The following SLK variants were observed in gnomAD, a reference collection of about 807,000 sequenced individuals.
SLK encodes STE20 like kinase.
Under a neutral mutation model 147.7 loss-of-function variants are expected in SLK, and 67 were observed. The observed-to-expected ratio is 0.45, with a 90% CI of 0.37 to 0.56. SLK has a LOEUF of 0.56. Among genes scored for constraint, SLK ranks in the 20% least tolerant of loss-of-function variants. SLK has a pLI of 0.00. For synonymous variants in SLK, 441 were observed against 475.0 expected, an observed-to-expected ratio of 0.93 and a Z score of 0.93; for missense variants, 1,136 against 1,438.8, an observed-to-expected ratio of 0.79 and a Z score of 3.41.
chr10:103,983,042 A>G (rs1216712921), intron 1 of SLK, among the ~76,000 whole-genome samples: 1 of 143,914 alleles, frequency 6.9e-6, no homozygotes, highest in African/African-American at 2.7e-5. Context: ...ATAATAATCT[A>G]TGTGAGGGGT....
At chr10:104,018,561 T>C (rs972743719) in intron 14 of SLK, among the ~76,000 whole-genome samples, 4 of 152,178 alleles carry the variant, frequency 2.6e-5, no homozygotes, top group African/African-American at 9.7e-5. Context: ...ATTTTGGTGT[T>C]CGGAGTAGGA....
intron 18 of SLK, 145 bp from the exon 19 acceptor site, chr10:104,025,429 G>T: frequency 1.4e-6 from 1 of 717,300 alleles, no homozygotes; most frequent in Non-Finnish European, 2.2e-6. Flanking sequence ...CAAAGCTTAT[G>T]ATCTTAAAAA....
rs35389916 is a variant in SLK, at chr10:104,003,227, A to T, written c.2049A>T (p.Lys683Asn). The change falls in exon 9 of 19, where the codon AAA (lysine) becomes AAT (asparagine). Residue 683 changes from lysine (K) to asparagine (N), a missense_variant. Physicochemically the swap from Lys to Asn is moderately conservative, Grantham distance 94. This residue lies in a region of SLK where 516 missense variants were observed against 531.3 expected (regional missense o/e 0.97). Coordinates refer to ENST00000369755, the MANE Select transcript of SLK (RefSeq NM_014720.4). ...TCACTACTCAGATAGATAAAGAGAAAAAAGAAATTCCAGTGTCAATTAAAA... is the reference window on the plus strand; with the variant it reads ...TCACTACTCAGATAGATAAAGAGAATAAAGAAATTCCAGTGTCAATTAAAA... ...SKVTTQIDKEKKEIPVSIKKE... is the reference protein window; with the variant it reads ...SKVTTQIDKENKEIPVSIKKE... 3 of 1,611,534 alleles carry T rather than the reference A, an allele frequency of 1.9e-6. No homozygotes were observed. The East Asian group carries it at 6.7e-5, about 36-fold the overall frequency.
Position 104,003,481 on chromosome 10 carries a change from C to G in SLK, c.2303C>G (p.Ser768Cys). Reference sequence around the variant, plus strand: ...AGTATTGACTTGAATTTATCCATCTCTAGCTTTCTAAGTAAAACTAAAGAC... The same window carrying G: ...AGTATTGACTTGAATTTATCCATCTGTAGCTTTCTAAGTAAAACTAAAGAC... Reference protein sequence around the residue: ...TSSIDLNLSISSFLSKTKDSG... With the variant: ...TSSIDLNLSICSFLSKTKDSG... Residue 768 changes from serine to cysteine, a missense_variant, in exon 9 of 19, where the codon TCT becomes TGT. Physicochemically the swap from Ser to Cys is moderately radical, Grantham distance 112. Coordinates refer to ENST00000369755, the MANE Select transcript of SLK (RefSeq NM_014720.4). The G allele has an allele frequency of 6.2e-7, 1 of 1,602,258 alleles. No individual in the cohort carries two copies. The highest frequency in any genetic ancestry group is 1.1e-5 in the South Asian group (1 of 89,970).
chr10:104,000,236 G>A (rs1844227746), intron 7 of SLK, among the ~76,000 whole-genome samples: 1 of 152,114 alleles, frequency 6.6e-6, no homozygotes, highest in Non-Finnish European at 1.5e-5. Flanking sequence ...GGGGACAGGG[G>A]CCGTGAACTA....
chr10:104,001,299 A>C, intron 7 of SLK, 145 bp from the exon 8 acceptor site: 1 of 612,782 alleles, frequency 1.6e-6, no homozygotes, highest in Non-Finnish European at 2.8e-6. Context: ...TTTCTTTCTC[A>C]GATGTAGCAT....
chr10:103,980,695 G>C (rs1753256253), intron 1 of SLK, among the ~76,000 whole-genome samples: 1 of 152,054 alleles, frequency 6.6e-6, no homozygotes, highest in Non-Finnish European at 1.5e-5. Flanking sequence ...TAATATTTGT[G>C]GTATGTATAT....
chr10:104,012,377 G>GT (rs1330908936), intron 13 of SLK, among the ~76,000 whole-genome samples: 3 of 152,098 alleles, frequency 2.0e-5, no homozygotes, highest in Non-Finnish European at 4.4e-5. Flanking sequence ...GTTTGCTTTT[G>GT]TTTTTTTCTT....
chr10:104,002,099 T>G, intron 8 of SLK, 73 bp from the exon 9 acceptor site: 1 of 1,056,272 alleles, frequency 9.5e-7, no homozygotes. Flanking sequence ...GAAATCACTG[T>G]AGGTCTGTAA....
chr10:104,008,267 C>T lies in SLK; in HGVS notation c.2695C>T (p.Arg899Cys), dbSNP rs752951740. 6.2e-6 allele frequency: 10 copies of T among 1,613,684 alleles called. No individual in the cohort carries two copies. Among genetic ancestry groups the T allele is most frequent in the Middle Eastern group, 1.6e-4 (1 of 6,084 alleles). ...IERLEQEHTN[R>C]LRDEAKRIKG... ...ACGCCTGGAACAAGAGCACACAAAT[C>T]GCTTGCGAGATGAAGCCAAACGCAT... The change falls in exon 12 of 19, where the codon CGC (arginine) becomes TGC (cysteine). Residue 899 changes from arginine (R) to cysteine (C), a missense_variant. Coordinates refer to ENST00000369755, the MANE Select transcript of SLK (RefSeq NM_014720.4).
intron 1 of SLK, among the ~76,000 whole-genome samples, chr10:103,987,133 A>G (rs1167516799): frequency 1.3e-5 from 2 of 152,142 alleles, no homozygotes; most frequent in Non-Finnish European, 2.9e-5. Context: ...CTAGATCCTG[A>G]TGAGTAATCA....
rs1472839530 is a variant in SLK at position 104,025,745 on chromosome 10, G to C, written c.*25G>C. ...ACAAAGGGAAGCATTCTGTGCGTGG[G>C]TTTGGCTCTTTCAGTATGTCATTCT... On this transcript the variant is annotated 3_prime_UTR_variant, in exon 19 of 19. Transcript: ENST00000369755. 1.2e-6 allele frequency: 2 copies of C among 1,609,664 alleles called. No homozygotes were observed. Among genetic ancestry groups the C allele is most frequent in the Admixed American group, 3.3e-5 (2 of 59,708 alleles).
At position 104,028,118 on chromosome 10, in the gene SLK, C is replaced by G. The variant is rs974549556; in HGVS notation, c.*2398C>G. 3 of 152,208 alleles carry G rather than the reference C, an allele frequency of 2.0e-5. No individual in the cohort carries two copies. The highest frequency in any genetic ancestry group is 7.2e-5 in the African/African-American group (3 of 41,448). The allele number at this position is 152,208 out of a possible 1,614,324, so 9.4% of individuals were successfully genotyped here. On this transcript the variant is annotated 3_prime_UTR_variant, in exon 19 of 19. Coordinates refer to ENST00000369755, the MANE Select transcript of SLK (RefSeq NM_014720.4). ...ATTCAAATAGATGATAGTGATCTAT[C>G]TTTCCTGCATGAAGTGTAGGTGGCG...
chr10:103,997,435 C>T (rs1335243908), intron 4 of SLK, among the ~76,000 whole-genome samples: 1 of 152,150 alleles, frequency 6.6e-6, no homozygotes, highest in African/African-American at 2.4e-5. Context: ...TTTGAGTATG[C>T]ACCCAGAAGT....
At chr10:104,019,596 C>A in intron 15 of SLK, 138 bp from the exon 16 acceptor site, 1 of 708,506 alleles carries the variant, frequency 1.4e-6, no homozygotes, top group Non-Finnish European at 2.5e-6. Flanking sequence ...TTATTTTGTG[C>A]CTAGTATTTT....
Position 103,967,152 on chromosome 10 carries a change from G to C in SLK, c.-594G>C, listed in dbSNP as rs1408597659. 6.6e-6 allele frequency: 1 copy of C among 151,126 alleles called. No individual in the cohort carries two copies. Among genetic ancestry groups the C allele is most frequent in the Non-Finnish European group, 1.5e-5 (1 of 67,750 alleles). The allele number at this position is 151,126 out of a possible 1,614,324, so 9.4% of individuals were successfully genotyped here. ...GCGGGCGCGCTACGGAGTCGGCGTC[G>C]GCGCGCGCTCCAGGCCGAGGCTGTG... On this transcript the variant is annotated 5_prime_UTR_variant, in exon 1 of 19. Coordinates refer to ENST00000369755, the MANE Select transcript of SLK (RefSeq NM_014720.4).
intron 4 of SLK, among the ~76,000 whole-genome samples, chr10:103,994,805 A>G (rs1190551468): frequency 1.3e-5 from 2 of 152,190 alleles, no homozygotes; most frequent in African/African-American, 2.4e-5. Context: ...GCATTTTGCT[A>G]TTGCATACTC....
intron 18 of SLK, among the ~76,000 whole-genome samples, chr10:104,022,602 A>G (rs1299082958): frequency 6.6e-6 from 1 of 152,210 alleles, no homozygotes; most frequent in Non-Finnish European, 1.5e-5. Flanking sequence ...ATGAGTTCAT[A>G]GTGTGGCTTT....
At position 104,029,149 on chromosome 10, in the gene SLK, G is replaced by T. The variant is rs1245252866; in HGVS notation, c.*3429G>T. On this transcript the variant is annotated 3_prime_UTR_variant, in exon 19 of 19. Coordinates refer to ENST00000369755, the MANE Select transcript of SLK (RefSeq NM_014720.4). ...AATTTTCAGAAAGAATTTTGTTTAA[G>T]ATTATGCCTCTTATCTACTTGAGAG... 1 of 152,190 alleles carries T rather than the reference G, an allele frequency of 6.6e-6. No individual in the cohort carries two copies. The highest frequency in any genetic ancestry group is 1.5e-5 in the Non-Finnish European group (1 of 68,046). The allele number at this position is 152,190 out of a possible 1,614,324, so 9.4% of individuals were successfully genotyped here.
Sources: allele counts gnomAD v4.1 joint callset (sites outside exome capture counted in the v4.1 genomes callset), GRCh38; gene constraint gnomAD v4.1.1; regional missense constraint gnomAD v4.1.1; transcripts MANE v1.5; gene names NCBI Gene and HGNC (gene_info 2026-07-23, HGNC 2026-07-21).